BMPR1A: variants seen among roughly 807,000 people sequenced by gnomAD.
The protein encoded by BMPR1A is bone morphogenetic protein receptor type 1A.
In BMPR1A, 7 loss-of-function variants were observed where a neutral mutation model predicts 66.0. The ratio of observed to expected loss-of-function variants is 0.11; its 90% CI spans 0.06 to 0.20. The LOEUF (loss-of-function observed/expected upper bound fraction) is 0.20. Among genes scored for constraint, BMPR1A ranks in the 10% least tolerant of loss-of-function variants. The pLI is 1.00. For synonymous variants in BMPR1A, 200 were observed against 229.7 expected (o/e 0.87, Z 1.17); for missense variants, 408 against 669.1 (o/e 0.61, Z 4.31).
At chr10:86,809,859 C>T (rs1841945666) in intron 1 of BMPR1A, among the ~76,000 whole-genome samples, 1 of 152,056 alleles carries the variant, frequency 6.6e-6, no homozygotes, top group Non-Finnish European at 1.5e-5. Context: ...CGAGGTGCCT[C>T]ATATAGGTGG....
chr10:86,925,633 A>G lies in BMPR1A; in HGVS notation c.*1914A>G, dbSNP rs1227042374. ...CAAATATTTTAATCTGCGTTGCCGTATGATATGATTGCACTTAGAACACCC... is the reference window on the plus strand; with the variant it reads ...CAAATATTTTAATCTGCGTTGCCGTGTGATATGATTGCACTTAGAACACCC... On this transcript the variant is annotated 3_prime_UTR_variant, in exon 13 of 13. Transcript: ENST00000372037. 2 of 191,678 alleles carry G rather than the reference A, an allele frequency of 1.0e-5. No homozygotes were observed. The highest frequency in any genetic ancestry group is 1.7e-4 in the East Asian group (2 of 11,440). The allele number at this position is 191,678 out of a possible 1,614,324, so 11.9% of individuals were successfully genotyped here. A position where few individuals can be genotyped will look rare whatever the true frequency, so the allele number is the denominator to read the frequency against.
chr10:86,856,869 A>T (rs1029066675), intron 2 of BMPR1A, among the ~76,000 whole-genome samples: 2 of 152,196 alleles, frequency 1.3e-5, no homozygotes, highest in African/African-American at 4.8e-5. Flanking sequence ...ATAATTTATA[A>T]ATTAACTGAC....
At chr10:86,797,932 G>A (rs984025863) in intron 1 of BMPR1A, among the ~76,000 whole-genome samples, 1 of 152,050 alleles carries the variant, frequency 6.6e-6, no homozygotes, top group African/African-American at 2.4e-5. Flanking sequence ...TTAAAAATTA[G>A]ATGTAGGTAA....
chr10:86,890,695 A>G (rs749322806), intron 4 of BMPR1A, among the ~76,000 whole-genome samples: 2 of 152,100 alleles, frequency 1.3e-5, no homozygotes, highest in Middle Eastern at 3.4e-3. Flanking sequence ...CAGCCTCCCA[A>G]AGTGCTGGGA....
chr10:86,909,597 AAGAAAAAAAAG>A (rs1414694712), intron 7 of BMPR1A, among the ~76,000 whole-genome samples: 1 of 139,804 alleles, frequency 7.2e-6, no homozygotes, highest in African/African-American at 3.1e-5. Flanking sequence ...AAAAAAAAAA[AAGAAAAAAAAG>A]AAAAAAGAAT....
chr10:86,861,352 C>G (rs1842712315), intron 2 of BMPR1A, among the ~76,000 whole-genome samples: 1 of 152,092 alleles, frequency 6.6e-6, no homozygotes. Flanking sequence ...TTTTAGTTTT[C>G]TATGCTGTCC....
intron 1 of BMPR1A, among the ~76,000 whole-genome samples, chr10:86,766,039 G>T (rs1169027750): frequency 1.4e-5 from 2 of 138,854 alleles, no homozygotes; most frequent in East Asian, 5.1e-4. Context: ...AGGCTGCAGT[G>T]GTGCTGTGGT....
rs1237016432 is a variant in BMPR1A at position 86,756,704 on chromosome 10, C to G, written c.-483C>G. On this transcript the variant is annotated 5_prime_UTR_variant, in exon 1 of 13. Transcript: ENST00000372037. The stretch of plus-strand genomic sequence containing the variant: ...CGAAGGAGAAGGGAGGAGGCAGGAG[C>G]GAGGAGGGAGGAGGGCCAAGGGCGG... The G allele has an allele frequency of 6.6e-6, 1 of 151,800 alleles. No individual in the cohort carries two copies. The highest frequency in any genetic ancestry group is 2.4e-5 in the African/African-American group (1 of 41,300). The allele number at this position is 151,800 out of a possible 1,614,324, so 9.4% of individuals were successfully genotyped here. A position where few individuals can be genotyped will look rare whatever the true frequency, so the allele number is the denominator to read the frequency against.
intron 1 of BMPR1A, among the ~76,000 whole-genome samples, chr10:86,763,363 G>C (rs1841103826): frequency 6.6e-6 from 1 of 152,060 alleles, no homozygotes; most frequent in East Asian, 1.9e-4. Flanking sequence ...TTTTACTACT[G>C]AGTACCTATT....
At chr10:86,857,865 C>T (rs1377203908) in intron 2 of BMPR1A, among the ~76,000 whole-genome samples, 1 of 151,506 alleles carries the variant, frequency 6.6e-6, no homozygotes, top group Non-Finnish European at 1.5e-5. Context: ...GCTATGTTGA[C>T]CAGGCTGGTC....
chr10:86,805,549 C>T (rs1282586169), intron 1 of BMPR1A, among the ~76,000 whole-genome samples: 1 of 150,788 alleles, frequency 6.6e-6, no homozygotes, highest in East Asian at 2.0e-4. Context: ...GCAACCTCCA[C>T]CTCCCCAGTT....
chr10:86,906,648 C>T (rs1295614675), intron 7 of BMPR1A, among the ~76,000 whole-genome samples: 15 of 58,588 alleles, frequency 2.6e-4, no homozygotes, highest in Non-Finnish European at 3.6e-4. Flanking sequence ...GGCGTGAATC[C>T]GGGAGGCGGA....
intron 2 of BMPR1A, among the ~76,000 whole-genome samples, chr10:86,856,998 C>T (rs544130932): frequency 1.3e-5 from 2 of 152,198 alleles, no homozygotes; most frequent in Non-Finnish European, 2.9e-5. Context: ...TCTGTGCTCT[C>T]TTCTCCTGGG....
At chr10:86,857,118 A>G (rs1042820047) in intron 2 of BMPR1A, among the ~76,000 whole-genome samples, 1 of 152,164 alleles carries the variant, frequency 6.6e-6, no homozygotes, top group African/African-American at 2.4e-5. Flanking sequence ...ATAATTGGCC[A>G]TGTGATTGAA....
intron 3 of BMPR1A, among the ~76,000 whole-genome samples, chr10:86,882,221 G>A (rs1422934965): frequency 4.6e-5 from 7 of 152,038 alleles, no homozygotes; most frequent in African/African-American, 9.7e-5. Context: ...TCAGGAGTTC[G>A]AGACCAGCCT....
chr10:86,810,186 G>A (rs1338674941), intron 1 of BMPR1A, among the ~76,000 whole-genome samples: 1 of 152,000 alleles, frequency 6.6e-6, no homozygotes, highest in Non-Finnish European at 1.5e-5. Flanking sequence ...TCACCATGTT[G>A]GCCAGGCTGG....
chr10:86,822,433 C>G (rs1842132452), intron 1 of BMPR1A, among the ~76,000 whole-genome samples: 1 of 152,116 alleles, frequency 6.6e-6, no homozygotes, highest in Non-Finnish European at 1.5e-5. Flanking sequence ...ACTCACGGAT[C>G]TGTACAACCA....
chr10:86,886,974 C>T (rs1253756528), intron 3 of BMPR1A, among the ~76,000 whole-genome samples: 2 of 151,644 alleles, frequency 1.3e-5, no homozygotes, highest in Admixed American at 6.6e-5. Flanking sequence ...GGATTACAGG[C>T]GCCTTGCCAC....
intron 2 of BMPR1A, among the ~76,000 whole-genome samples, chr10:86,840,164 T>G (rs572869708): frequency 3.9e-5 from 6 of 152,244 alleles, no homozygotes; most frequent in African/African-American, 1.2e-4. Flanking sequence ...GAATCTACAT[T>G]TTAAGAAATA....
Sources: gnomAD v4.1 joint callset for allele counts (sites outside exome capture counted in the v4.1 genomes callset) on GRCh38, gnomAD v4.1.1 for gene constraint, MANE v1.5 for transcripts, NCBI Gene and HGNC (gene_info 2026-07-23, HGNC 2026-07-21) for gene names.